Variants in CACNA2D1 observed in about 807,000 individuals in gnomAD.
CACNA2D1 encodes calcium voltage-gated channel auxiliary subunit alpha2delta 1, also known as voltage-dependent calcium channel subunit alpha-2/delta-1.
CACNA2D1 carries 53 observed loss-of-function variants against 171.5 expected under a neutral mutation model. The observed-to-expected ratio is 0.31, with a 90% CI of 0.25 to 0.39. The LOEUF (loss-of-function observed/expected upper bound fraction) is 0.39. CACNA2D1 is among the 10% of genes least tolerant of loss of function. The pLI is 1.00. For synonymous variants in CACNA2D1, 442 were observed against 443.1 expected, an observed-to-expected ratio of 1.00 and a Z score of 0.03; for missense variants, 903 against 1,299.8, an observed-to-expected ratio of 0.69 and a Z score of 4.69.
chr7:82,333,077 A>T (rs1438913928), intron 3 of CACNA2D1, among the ~76,000 whole-genome samples: 1 of 151,788 alleles, frequency 6.6e-6, no homozygotes, highest in Non-Finnish European at 1.5e-5. Context: ...GAAGTTTATG[A>T]AAAAAATTTT....
chr7:82,144,766 C>T (rs1166662821), intron 4 of CACNA2D1, among the ~76,000 whole-genome samples: 1 of 151,976 alleles, frequency 6.6e-6, no homozygotes, highest in Non-Finnish European at 1.5e-5. Context: ...TTTTTTACAT[C>T]AACTCTTCAC....
chr7:82,352,788 CAG>C, intron 1 of CACNA2D1, among the ~76,000 whole-genome samples: 1 of 151,970 alleles, frequency 6.6e-6, no homozygotes, highest in East Asian at 1.9e-4. Context: ...CAAAATTGAG[CAG>C]AGAGGGAAGT....
At chr7:82,198,283 C>T (rs1159844915) in intron 3 of CACNA2D1, among the ~76,000 whole-genome samples, 1 of 152,090 alleles carries the variant, frequency 6.6e-6, no homozygotes. Flanking sequence ...GAATAAGTTA[C>T]TGGAGCACAA....
Position 82,007,668 on chromosome 7 carries a change from T to A in CACNA2D1, c.1440+11A>T, listed in dbSNP as rs1369230285. 1 of 1,377,260 alleles carries A rather than the reference T, an allele frequency of 7.3e-7. No homozygotes were observed. Among genetic ancestry groups the A allele is most frequent in the Non-Finnish European group, 1.0e-6 (1 of 968,126 alleles). The allele number at this position is 1,377,260 out of a possible 1,614,324, so 85.3% of individuals were successfully genotyped here. A position where few individuals can be genotyped will look rare whatever the true frequency, so the allele number is the denominator to read the frequency against. On this transcript the variant is annotated intron_variant, in intron 16 of 38. Transcript: ENST00000356860. ...ATTTATTATTATTAATTTTATCAAT[T>A]AACTTTTAACCTTTAAGTTTGTCTT...
chr7:82,288,482 A>T (rs1811123913), intron 3 of CACNA2D1, among the ~76,000 whole-genome samples: 1 of 152,000 alleles, frequency 6.6e-6, no homozygotes, highest in African/African-American at 2.4e-5. Flanking sequence ...GCTTCTTTTA[A>T]CAAAGAGTTA....
At chr7:81,958,493 A>G (rs1004700229) in intron 38 of CACNA2D1, among the ~76,000 whole-genome samples, 2 of 152,014 alleles carry the variant, frequency 1.3e-5, no homozygotes, top group African/African-American at 4.8e-5. Flanking sequence ...CATCTTTGAG[A>G]ATAGATTAAT....
intron 1 of CACNA2D1, among the ~76,000 whole-genome samples, chr7:82,423,435 GTCC>G (rs1327223279): frequency 6.6e-6 from 1 of 152,140 alleles, no homozygotes; most frequent in Non-Finnish European, 1.5e-5. Context: ...AGAGTATGCA[GTCC>G]TCCTTTTCAC....
At chr7:82,402,537 C>T (rs1329668195) in intron 1 of CACNA2D1, among the ~76,000 whole-genome samples, 1 of 151,256 alleles carries the variant, frequency 6.6e-6, no homozygotes, top group East Asian at 1.9e-4. Context: ...ATGGTGAAAC[C>T]CCATCTCTAC....
chr7:82,327,113 A>G (rs1816751640), intron 3 of CACNA2D1, among the ~76,000 whole-genome samples: 1 of 152,238 alleles, frequency 6.6e-6, no homozygotes, highest in South Asian at 2.1e-4. Flanking sequence ...CTGCTTCTTT[A>G]AAATGAATTT....
At chr7:82,361,131 G>C (rs1821037081) in intron 1 of CACNA2D1, among the ~76,000 whole-genome samples, 1 of 152,116 alleles carries the variant, frequency 6.6e-6, no homozygotes, top group Non-Finnish European at 1.5e-5. Context: ...CTCTTTGCCT[G>C]AGCAGCATAT....
intron 3 of CACNA2D1, among the ~76,000 whole-genome samples, chr7:82,333,084 T>A (rs971822124): frequency 6.6e-6 from 1 of 152,102 alleles, no homozygotes; most frequent in Non-Finnish European, 1.5e-5. Context: ...ATGAAAAAAA[T>A]TTTTAAAGTT....
At chr7:82,026,418 G>GT (rs1029381783) in intron 12 of CACNA2D1, among the ~76,000 whole-genome samples, 1 of 151,522 alleles carries the variant, frequency 6.6e-6, no homozygotes, top group Admixed American at 6.6e-5. Flanking sequence ...TTTAAAAAAA[G>GT]TTTTTTTAAA....
chr7:82,371,749 G>A (rs10954677), intron 1 of CACNA2D1, among the ~76,000 whole-genome samples: 94,852 of 151,816 alleles, frequency 0.62, 30,210 homozygotes, highest in Middle Eastern at 0.74. Context: ...TATTTTTTGT[G>A]TTTTTAGTAG....
At position 82,443,731 on chromosome 7, in the gene CACNA2D1, T is replaced by C; in HGVS notation, c.-272A>G. 8.1e-7 allele frequency: 1 copy of C among 1,227,242 alleles called. No homozygotes were observed. Among genetic ancestry groups the C allele is most frequent in the Non-Finnish European group, 1.0e-6 (1 of 984,246 alleles). 76.0% of individuals were successfully genotyped at this position (1,227,242 alleles called of 1,614,324 possible). ...GCCTCCGCCGCCATCAAGGGCGACT[T>C]TGGAAACAGACCTCGGCGAGCCCGC... On this transcript the variant is annotated 5_prime_UTR_variant, in exon 1 of 39. Transcript: ENST00000356860.
chr7:82,179,795 T>C (rs1410220811), intron 3 of CACNA2D1, among the ~76,000 whole-genome samples: 1 of 152,082 alleles, frequency 6.6e-6, no homozygotes, highest in Non-Finnish European at 1.5e-5. Flanking sequence ...GTAAGTATGA[T>C]ATGTGCTTAG....
intron 4 of CACNA2D1, among the ~76,000 whole-genome samples, chr7:82,137,185 A>C (rs1038755121): frequency 1.3e-5 from 2 of 152,182 alleles, no homozygotes; most frequent in Admixed American, 1.3e-4. Flanking sequence ...ATAGTAAAAA[A>C]TATCAGATTA....
At chr7:82,084,631 G>A (rs1810227346) in intron 7 of CACNA2D1, 138 bp downstream of exon 7, 1 of 1,012,126 alleles carries the variant, frequency 9.9e-7, no homozygotes, top group East Asian at 2.5e-5. Flanking sequence ...CCAAAGCCAT[G>A]TAAAGAGGAA....
chr7:82,066,033 A>T (rs1312981653), intron 8 of CACNA2D1, among the ~76,000 whole-genome samples: 1 of 152,068 alleles, frequency 6.6e-6, no homozygotes, highest in Admixed American at 6.6e-5. Context: ...AATTAAACCT[A>T]AGCTATATGA....
At chr7:82,391,999 C>T (rs189155169) in intron 1 of CACNA2D1, among the ~76,000 whole-genome samples, 2 of 152,266 alleles carry the variant, frequency 1.3e-5, no homozygotes, top group African/African-American at 4.8e-5. Context: ...CCTAGGCAGA[C>T]AGGGGCAGGT....
Sources: gnomAD v4.1 joint callset for allele counts (sites outside exome capture counted in the v4.1 genomes callset) on GRCh38, gnomAD v4.1.1 for gene constraint, MANE v1.5 for transcripts, NCBI Gene and HGNC (gene_info 2026-07-23, HGNC 2026-07-21) for gene names.